The following RBFOX1 variants were observed in gnomAD, a reference collection of about 807,000 sequenced individuals.
RBFOX1 encodes RNA binding fox-1 homolog 1.
In RBFOX1, 8 loss-of-function variants were observed where a neutral mutation model predicts 57.7. The ratio of observed to expected loss-of-function variants is 0.14; its 90% CI spans 0.08 to 0.25. The LOEUF is 0.25. Among genes scored for constraint, RBFOX1 ranks in the 10% least tolerant of loss-of-function variants. RBFOX1 has a pLI of 1.00. For synonymous variants in RBFOX1, 326 were observed against 222.4 expected (o/e 1.47, Z -4.15); for missense variants, 611 against 548.5 (o/e 1.11, Z -1.14).
chr16:5,466,192 C>G (rs940650999), intron 1 of RBFOX1, among the ~76,000 whole-genome samples: 2 of 152,224 alleles, frequency 1.3e-5, no homozygotes, highest in Non-Finnish European at 2.9e-5. Context: ...AGAAGGTGTT[C>G]TTGGCTTGAA....
chr16:5,480,505 G>A (rs375913997), intron 2 of RBFOX1, among the ~76,000 whole-genome samples: 1 of 152,208 alleles, frequency 6.6e-6, no homozygotes, highest in African/African-American at 2.4e-5. Flanking sequence ...CGCTGAAAAT[G>A]CACGGGATTA....
chr16:5,821,962 A>T (rs1347888879), intron 3 of RBFOX1, among the ~76,000 whole-genome samples: 1 of 152,236 alleles, frequency 6.6e-6, no homozygotes, highest in African/African-American at 2.4e-5. Context: ...ATTAAGTTCC[A>T]ACATAATTTT....
In RBFOX1 at chr16:7,265,596, C is replaced by A. The variant is rs565671966; in HGVS notation, c.27+213498C>A. ...CCCGAGTAGCTAGGATTACAGGCAC[C>A]CACCACCACGCCTGGCTAATTTTTG... On this transcript the variant is annotated intron_variant, in intron 4 of 15. Transcript: ENST00000550418. Among the ~76,000 whole-genome samples, 28 of 151,502 alleles carry A rather than the reference C, an allele frequency of 1.8e-4. No homozygotes were observed. In the South Asian group the frequency reaches 5.4e-3, roughly 29 times the overall value.
At chr16:5,896,290 G>A (rs553210932) in intron 4 of RBFOX1, among the ~76,000 whole-genome samples, 71 of 152,268 alleles carry the variant, frequency 4.7e-4, no homozygotes, top group African/African-American at 1.7e-3. Flanking sequence ...AATGTTGGAG[G>A]TGGGGCCTCC....
chr16:7,599,639 TTTTTTTTTTTTC>T (rs869240387), intron 9 of RBFOX1, among the ~76,000 whole-genome samples: 312 of 26,088 alleles, frequency 0.012, 3 homozygotes, highest in Middle Eastern at 0.019. Flanking sequence ...TAATAAAGAC[TTTTTTTTTTTTC>T]TTTTTTTTTT....
intron 14 of RBFOX1, among the ~76,000 whole-genome samples, chr16:7,705,603 G>C (rs957377200): frequency 2.6e-5 from 4 of 152,212 alleles, no homozygotes; most frequent in African/African-American, 7.2e-5. Context: ...GCTTATTCAA[G>C]TTTGGATTTT....
chr16:6,652,239 A>G (rs889311168), intron 2 of RBFOX1, among the ~76,000 whole-genome samples: 1 of 152,148 alleles, frequency 6.6e-6, no homozygotes, highest in East Asian at 1.9e-4. Context: ...TCACTAGGTC[A>G]AGAGATCGAG....
chr16:6,341,884 C>A (rs527559117), intron 2 of RBFOX1, among the ~76,000 whole-genome samples: 4 of 152,126 alleles, frequency 2.6e-5, no homozygotes, highest in African/African-American at 9.7e-5. Flanking sequence ...ACACTTTTAA[C>A]GATTCTCGTG....
chr16:7,043,548 C>T (rs2046884529), intron 3 of RBFOX1, among the ~76,000 whole-genome samples: 1 of 152,150 alleles, frequency 6.6e-6, no homozygotes, highest in East Asian at 1.9e-4. Flanking sequence ...ATAATGATTA[C>T]AAAAACAGCA....
At chr16:5,383,824 T>C (rs2066191116) in intron 1 of RBFOX1, among the ~76,000 whole-genome samples, 1 of 152,194 alleles carries the variant, frequency 6.6e-6, no homozygotes, top group Non-Finnish European at 1.5e-5. Flanking sequence ...TCTTACTTTC[T>C]TTAGTAGAAA....
chr16:7,672,450 C>A lies in RBFOX1; in HGVS notation c.931-4324C>A, dbSNP rs115012901. Among the ~76,000 whole-genome samples, 970 of 152,162 alleles carry A rather than the reference C, an allele frequency of 6.4e-3. 10 individuals carry two copies. The highest frequency in any genetic ancestry group is 0.023 in the African/African-American group (941 of 41,522). The stretch of plus-strand genomic sequence containing the variant: ...AGAATTGACTGAGTTTTAATTAAAA[C>A]CTGAATGTGAGAAAGAGGTACTTTG... On this transcript the variant is annotated intron_variant, in intron 13 of 15. Coordinates refer to ENST00000550418, the MANE Select transcript of RBFOX1 (RefSeq NM_018723.4).
At chr16:5,657,973 C>G (rs536290054) in intron 3 of RBFOX1, among the ~76,000 whole-genome samples, 2 of 152,080 alleles carry the variant, frequency 1.3e-5, no homozygotes, top group African/African-American at 4.8e-5. Context: ...TTCAGGTGAT[C>G]CACCCACCTC....
At position 6,603,006 on chromosome 16, in the gene RBFOX1, G is replaced by T. The variant is rs79685039; in HGVS notation, c.-63-51597G>T. ...AATCATCAGTGCACCCAAGGAAAAA[G>T]AAGTTTCCCAATTTTATTTATTTCA... On this transcript the variant is annotated intron_variant, in intron 2 of 15. Coordinates refer to ENST00000550418, the MANE Select transcript of RBFOX1 (RefSeq NM_018723.4). Among the ~76,000 whole-genome samples the T allele has an allele frequency of 1.9e-4, 29 of 152,252 alleles. No individual in the cohort carries two copies. The East Asian group carries it at 4.4e-3, about 23-fold the overall frequency.
At chr16:6,972,825 T>C (rs555662182) in intron 3 of RBFOX1, among the ~76,000 whole-genome samples, 38 of 152,132 alleles carry the variant, frequency 2.5e-4, no homozygotes, top group South Asian at 1.9e-3. Context: ...TTTTTTTCAA[T>C]AAAACCAGAG....
chr16:7,002,195 T>G (rs2153635494), intron 3 of RBFOX1, among the ~76,000 whole-genome samples: 1 of 152,202 alleles, frequency 6.6e-6, no homozygotes, highest in Non-Finnish European at 1.5e-5. Context: ...ATCTAAGAAA[T>G]TAGGAAAGGG....
intron 3 of RBFOX1, among the ~76,000 whole-genome samples, chr16:5,722,697 C>G (rs968708442): frequency 6.6e-6 from 1 of 152,110 alleles, no homozygotes; most frequent in Non-Finnish European, 1.5e-5. Context: ...TCAAACATAC[C>G]CAGCTCTTTC....
chr16:7,395,786 A>ATATT (rs1172327899), intron 4 of RBFOX1, among the ~76,000 whole-genome samples: 1 of 152,230 alleles, frequency 6.6e-6, no homozygotes, highest in Admixed American at 6.5e-5. Context: ...TTTGGCGTAC[A>ATATT]TATTTACCCT....
chr16:7,419,015 A>G (rs1464360630), intron 4 of RBFOX1, among the ~76,000 whole-genome samples: 1 of 151,964 alleles, frequency 6.6e-6, no homozygotes. Flanking sequence ...TGCTTTCCTC[A>G]CACTTCAGCC....
In RBFOX1 at chr16:6,004,525, A is replaced by G. The variant is rs148790785; in HGVS notation, c.351+137190A>G. Among the ~76,000 whole-genome samples, 22 of 152,304 alleles carry G rather than the reference A, an allele frequency of 1.4e-4. No individual in the cohort carries two copies. In the East Asian group the frequency reaches 4.2e-3, roughly 29 times the overall value. On this transcript the variant is annotated intron_variant, in intron 4 of 19. Coordinates refer to the RBFOX1 transcript ENST00000641259. ...TATCAGAGACTTTTAGTCTATGGCC[A>G]CTCAATGAATGTCCAGAAGGTTTTA...
Sources: gnomAD v4.1 joint callset for allele counts (sites outside exome capture counted in the v4.1 genomes callset) on GRCh38, gnomAD v4.1.1 for gene constraint, MANE v1.5 for transcripts, NCBI Gene and HGNC (gene_info 2026-07-23, HGNC 2026-07-21) for gene names.